The following FRMPD4 variants were observed in gnomAD, a reference collection of about 807,000 sequenced individuals.
FRMPD4 encodes the protein FERM and PDZ domain-containing protein 4.
Under a neutral mutation model 94.1 loss-of-function variants are expected in FRMPD4, and 22 were observed. That is an observed-to-expected ratio of 0.23 (90% CI 0.17 to 0.33). FRMPD4 has a LOEUF of 0.33. Ranked by LOEUF, FRMPD4 falls within the 10% of genes least tolerant of loss-of-function variation. The pLI, the probability that FRMPD4 is intolerant of heterozygous loss-of-function variation, is 1.00. For missense variants in FRMPD4, 1,111 were observed against 1,339.9 expected, an observed-to-expected ratio of 0.83 and a Z score of 2.67; for synonymous variants, 631 against 548.6, an observed-to-expected ratio of 1.15 and a Z score of -2.10.
At chrX:12,502,081 T>C (rs1223232648) in intron 2 of FRMPD4, among the ~76,000 whole-genome samples, 1 of 112,291 alleles carries the variant, frequency 8.9e-6, no homozygotes, top group African/African-American at 3.2e-5. Context: ...AAAATCCTGA[T>C]GCCTGGGTCT....
At chrX:11,870,052 A>G (rs2053747448) in intron 2 of FRMPD4, among the ~76,000 whole-genome samples, 2 of 112,081 alleles carry the variant, frequency 1.8e-5, no homozygotes, top group South Asian at 3.7e-4. Flanking sequence ...AGTAGAATAC[A>G]TTGAATTTTG....
intron 3 of FRMPD4, among the ~76,000 whole-genome samples, chrX:12,021,854 TG>T (rs968078644): frequency 9.8e-5 from 11 of 112,374 alleles, no homozygotes; most frequent in Non-Finnish European, 2.1e-4. Flanking sequence ...GGTGACATGT[TG>T]GACTGTGTCC....
intron 3 of FRMPD4, among the ~76,000 whole-genome samples, chrX:12,079,451 A>G (rs1310311336): frequency 1.8e-5 from 2 of 111,736 alleles, no homozygotes; most frequent in Non-Finnish European, 3.8e-5. Context: ...ATTTTAATGA[A>G]TCTGTACACA....
chrX:12,304,792 T>G (rs1003355036), intron 1 of FRMPD4, among the ~76,000 whole-genome samples: 3 of 112,062 alleles, frequency 2.7e-5, no homozygotes, highest in African/African-American at 9.7e-5. Flanking sequence ...GGTGCATGAT[T>G]TTGAATTTTG....
At chrX:12,593,265 G>A (rs1420850469) in intron 2 of FRMPD4, among the ~76,000 whole-genome samples, 1 of 112,091 alleles carries the variant, frequency 8.9e-6, no homozygotes, top group Non-Finnish European at 1.9e-5. Context: ...TTTTTCCACA[G>A]TAGCTTCAGG....
In FRMPD4 at chrX:12,721,385, T is replaced by C; in HGVS notation, c.4816T>C (p.Phe1606Leu). 1.3e-6 allele frequency: 1 copy of C among 755,135 alleles called. No individual in the cohort carries two copies. Among genetic ancestry groups the C allele is most frequent in the Non-Finnish European group, 1.6e-6 (1 of 638,653 alleles). The allele number at this position is 755,135 out of a possible 1,213,427, so 62.2% of individuals were successfully genotyped here. A position where few individuals can be genotyped will look rare whatever the true frequency, so the allele number is the denominator to read the frequency against. ...GAGCACATATGCAATGCCTGATGGGTTCCTTGCAGCCCAAAATGATGCCAA... is the reference window on the plus strand; with the variant it reads ...GAGCACATATGCAATGCCTGATGGGCTCCTTGCAGCCCAAAATGATGCCAA... ...KESTYAMPDG[F>L]LAAQNDANEL... is the part of the protein sequence containing the mutation. Residue 1606 changes from phenylalanine (F) to leucine (L), a missense_variant, in exon 17 of 17, where the codon TTC (phenylalanine) becomes CTC (leucine). By Grantham distance (22) the Phe-to-Leu change is conservative. Around this residue, in one of 8 missense-constraint regions of FRMPD4, gnomAD observed 551 missense variants for 591.6 expected, o/e 0.93. Transcript: ENST00000675598.
chrX:12,389,245 G>A (rs1309108900), intron 1 of FRMPD4, among the ~76,000 whole-genome samples: 1 of 110,134 alleles, frequency 9.1e-6, no homozygotes, highest in Non-Finnish European at 1.9e-5. Flanking sequence ...AGGCTGAGGT[G>A]GGCGGATCAC....
intron 3 of FRMPD4, among the ~76,000 whole-genome samples, chrX:11,963,536 T>C (rs1424314844): frequency 8.9e-6 from 1 of 112,274 alleles, no homozygotes; most frequent in Non-Finnish European, 1.9e-5. Flanking sequence ...CAAATAAATT[T>C]ATTCATCTAA....
chrX:11,883,828 A>G (rs777342737), intron 3 of FRMPD4, among the ~76,000 whole-genome samples: 191 of 112,176 alleles, frequency 1.7e-3, no homozygotes, highest in Non-Finnish European at 3.0e-3. Context: ...AGGCCAAGTT[A>G]TTGGGTCTGA....
chrX:12,582,705 A>G (rs1043683633), intron 2 of FRMPD4, among the ~76,000 whole-genome samples: 2 of 111,477 alleles, frequency 1.8e-5, no homozygotes, highest in Admixed American at 9.5e-5. Context: ...TTATCCTCCT[A>G]CAGGCTCCTT....
intron 1 of FRMPD4, among the ~76,000 whole-genome samples, chrX:11,843,480 A>T (rs56253042): frequency 0.25 from 27,518 of 111,185 alleles, 2,984 homozygotes; most frequent in East Asian, 0.57. Flanking sequence ...AAGAAGTTTA[A>T]AGAAGAAATA....
intron 3 of FRMPD4, among the ~76,000 whole-genome samples, chrX:11,919,190 A>G (rs1292993688): frequency 8.9e-6 from 1 of 112,317 alleles, no homozygotes; most frequent in Non-Finnish European, 1.9e-5. Flanking sequence ...CAGCCTGTAT[A>G]TACTGGATAC....
chrX:12,348,555 C>T (rs139374096), intron 1 of FRMPD4, among the ~76,000 whole-genome samples: 1,691 of 104,992 alleles, frequency 0.016, 49 homozygotes, highest in African/African-American at 0.056. Flanking sequence ...TCTCCCACTT[C>T]CCAATAAGCA....
At chrX:12,191,760 G>A (rs372200682) in intron 1 of FRMPD4, among the ~76,000 whole-genome samples, 1 of 111,579 alleles carries the variant, frequency 9.0e-6, no homozygotes. Flanking sequence ...TGAATAGGTG[G>A]AACCCAGAGG....
At chrX:11,918,290 T>C (rs1345394025) in intron 3 of FRMPD4, among the ~76,000 whole-genome samples, 1 of 113,094 alleles carries the variant, frequency 8.8e-6, no homozygotes, top group Admixed American at 9.3e-5. Flanking sequence ...ACTGATTCAT[T>C]TGATATATCT....
chrX:12,369,404 A>G (rs927484385), intron 1 of FRMPD4, among the ~76,000 whole-genome samples: 5 of 111,491 alleles, frequency 4.5e-5, no homozygotes, highest in African/African-American at 9.8e-5. Context: ...ATTGATTTCA[A>G]ATTAAATGCA....
chrX:12,188,720 G>A lies in FRMPD4; in HGVS notation c.41+49708G>A, dbSNP rs537925747. ...TCCCTTTTTGTCCAGCTTATGTTTT[G>A]CCAGCTGTCTCTTTCCTGGTGTGTA... On this transcript the variant is annotated intron_variant, in intron 1 of 16. Transcript: ENST00000675598. Among the ~76,000 whole-genome samples the A allele has an allele frequency of 2.7e-5, 3 of 111,615 alleles. No homozygotes were observed. In the South Asian group the frequency reaches 1.1e-3, roughly 42 times the overall value.
At chrX:12,477,005 C>G (rs764219977) in intron 1 of FRMPD4, among the ~76,000 whole-genome samples, 1 of 111,816 alleles carries the variant, frequency 8.9e-6, no homozygotes, top group Non-Finnish European at 1.9e-5. Context: ...CACATGCACA[C>G]GTATGTTTAT....
intron 15 of FRMPD4, 121 bp downstream of exon 15, chrX:12,717,254 A>G (rs1187138451): frequency 2.6e-5 from 13 of 490,654 alleles, no homozygotes; most frequent in Non-Finnish European, 4.3e-5. Context: ...CATTTCATAA[A>G]TGTGCTGAAA....
Sources: allele counts gnomAD v4.1 joint callset (sites outside exome capture counted in the v4.1 genomes callset), GRCh38; gene constraint gnomAD v4.1.1; regional missense constraint gnomAD v4.1.1; transcripts MANE v1.5; gene names NCBI Gene and HGNC (gene_info 2026-07-23, HGNC 2026-07-21).